Variants in ST8SIA1 observed in about 807,000 individuals in gnomAD.
The protein encoded by ST8SIA1 is ST8 alpha-N-acetyl-neuraminide alpha-2,8-sialyltransferase 1, also known as alpha-N-acetylneuraminide alpha-2,8-sialyltransferase.
ST8SIA1 carries 16 observed loss-of-function variants against 35.9 expected under a neutral mutation model. The ratio of observed to expected loss-of-function variants is 0.45; its 90% CI spans 0.30 to 0.68. The LOEUF (loss-of-function observed/expected upper bound fraction) is 0.68, where lower values mean the gene tolerates loss of function less well. Ranked by LOEUF, ST8SIA1 falls within the 30% of genes least tolerant of loss-of-function variation. The probability of loss-of-function intolerance (pLI) is 0.09; values close to 1 mark genes in which losing one functional copy is unlikely to be tolerated. For synonymous variants in ST8SIA1, 170 were observed against 169.6 expected (o/e 1.00, Z -0.02); for missense variants, 383 against 453.6 (o/e 0.84, Z 1.41).
rs143115893 is a variant in ST8SIA1, at chr12:22,223,600, A to G, written c.585-21562T>C. 26 of 1,120,434 alleles carry G rather than the reference A, an allele frequency of 2.3e-5. No homozygotes were observed. The African/African-American group carries it at 4.1e-4, about 18-fold the overall frequency. 69.4% of individuals were successfully genotyped at this position (1,120,434 alleles called of 1,614,324 possible). A position where few individuals can be genotyped will look rare whatever the true frequency, so the allele number is the denominator to read the frequency against. ...GCCAGATTCTGATTCAAGCAGCATG[A>G]GTCTGGAGTGAGCAGCTGAAGTTGT... On this transcript the variant is annotated intron_variant, in intron 4 of 4. Transcript: ENST00000396037.
At chr12:22,264,683 G>A (rs1052026852) in intron 2 of ST8SIA1, among the ~76,000 whole-genome samples, 1 of 151,778 alleles carries the variant, frequency 6.6e-6, no homozygotes, top group African/African-American at 2.4e-5. Context: ...TTTAAAAAAC[G>A]TTACACATAA....
At chr12:22,323,480 A>T (rs2541301) in intron 1 of ST8SIA1, among the ~76,000 whole-genome samples, 67,871 of 152,020 alleles carry the variant, frequency 0.45, 16,320 homozygotes, top group African/African-American at 0.61. Flanking sequence ...AGAAATACCA[A>T]TTGACCCAGT....
rs938616486 is a variant in ST8SIA1, at chr12:22,193,651, C to A, written c.*7901G>T. On this transcript the variant is annotated 3_prime_UTR_variant, in exon 5 of 5. Coordinates refer to ENST00000396037, the MANE Select transcript of ST8SIA1 (RefSeq NM_003034.4). ...CGTAGAAAGTACCAATTAAAGTTTT[C>A]TTTTTTACCTGCAACATTTTAGATG... 11 of 152,100 alleles carry A rather than the reference C, an allele frequency of 7.2e-5. No individual in the cohort carries two copies. Among genetic ancestry groups the A allele is most frequent in the African/African-American group, 2.4e-4 (10 of 41,434 alleles). 9.4% of individuals were successfully genotyped at this position (152,100 alleles called of 1,614,324 possible). A position where few individuals can be genotyped will look rare whatever the true frequency, so the allele number is the denominator to read the frequency against.
chr12:22,306,747 T>C (rs1350386240), intron 1 of ST8SIA1, among the ~76,000 whole-genome samples: 1 of 152,202 alleles, frequency 6.6e-6, no homozygotes, highest in Non-Finnish European at 1.5e-5. Context: ...AACAGGTCCT[T>C]CAGCTCTGGA....
chr12:22,294,769 T>C (rs1866222433), intron 1 of ST8SIA1, among the ~76,000 whole-genome samples: 1 of 152,230 alleles, frequency 6.6e-6, no homozygotes, highest in Non-Finnish European at 1.5e-5. Context: ...TTTTTTCTAA[T>C]ACATATTTGT....
chr12:22,230,031 G>A (rs972003794), intron 4 of ST8SIA1, among the ~76,000 whole-genome samples: 5 of 152,160 alleles, frequency 3.3e-5, no homozygotes, highest in South Asian at 4.1e-4. Context: ...TGTAAGTACC[G>A]GTAACCACTA....
intron 4 of ST8SIA1, among the ~76,000 whole-genome samples, chr12:22,217,724 TTCA>T (rs1006676784): frequency 6.6e-6 from 1 of 152,146 alleles, no homozygotes; most frequent in Non-Finnish European, 1.5e-5. Flanking sequence ...ACTACTAGCT[TTCA>T]TCATCATCAT....
At chr12:22,240,257 C>G (rs1432740002) in intron 4 of ST8SIA1, among the ~76,000 whole-genome samples, 1 of 152,080 alleles carries the variant, frequency 6.6e-6, no homozygotes, top group African/African-American at 2.4e-5. Context: ...TAGGCAGAAA[C>G]ACTTACTAGC....
intron 1 of ST8SIA1, among the ~76,000 whole-genome samples, chr12:22,300,679 T>C (rs992191791): frequency 9.9e-5 from 15 of 152,176 alleles, no homozygotes; most frequent in Non-Finnish European, 4.4e-5. Context: ...TTTTTGCCTT[T>C]TGTTGAAATC....
intron 1 of ST8SIA1, among the ~76,000 whole-genome samples, chr12:22,299,565 T>C (rs189530913): frequency 2.0e-5 from 3 of 152,126 alleles, no homozygotes; most frequent in African/African-American, 7.2e-5. Context: ...AGATGATTTA[T>C]TAAAAAAATT....
intron 2 of ST8SIA1, among the ~76,000 whole-genome samples, chr12:22,255,822 C>T (rs976268307): frequency 2.0e-5 from 3 of 152,178 alleles, no homozygotes; most frequent in African/African-American, 7.2e-5. Context: ...TGTTTCTGAA[C>T]ATTTCCTTTG....
At chr12:22,298,250 C>T (rs1309847770) in intron 1 of ST8SIA1, among the ~76,000 whole-genome samples, 2 of 152,164 alleles carry the variant, frequency 1.3e-5, no homozygotes, top group South Asian at 2.1e-4. Flanking sequence ...GCAAATTAAT[C>T]GAACCCAAGG....
chr12:22,305,274 T>C (rs1309476504), intron 1 of ST8SIA1, among the ~76,000 whole-genome samples: 2 of 152,276 alleles, frequency 1.3e-5, no homozygotes, highest in Admixed American at 6.5e-5. Context: ...ACTAGTCAAA[T>C]GCTTTTTCAA....
At chr12:22,220,213 G>A (rs749869905) in intron 4 of ST8SIA1, among the ~76,000 whole-genome samples, 6 of 152,282 alleles carry the variant, frequency 3.9e-5, no homozygotes, top group East Asian at 1.9e-4. Flanking sequence ...GATGAGACAC[G>A]AGCACTCAAA....
chr12:22,218,029 T>C (rs1181897170), intron 4 of ST8SIA1, among the ~76,000 whole-genome samples: 1 of 152,114 alleles, frequency 6.6e-6, no homozygotes, highest in African/African-American at 2.4e-5. Flanking sequence ...AGTGAACACT[T>C]AGAAATAACA....
intron 4 of ST8SIA1, among the ~76,000 whole-genome samples, chr12:22,248,663 T>A (rs984367857): frequency 6.6e-6 from 1 of 152,210 alleles, no homozygotes. Flanking sequence ...TTAATTCAGT[T>A]CACAGTTGCC....
At chr12:22,205,007 C>T (rs1472914874) in intron 4 of ST8SIA1, among the ~76,000 whole-genome samples, 1 of 152,146 alleles carries the variant, frequency 6.6e-6, no homozygotes, top group Non-Finnish European at 1.5e-5. Flanking sequence ...TGTGTGTGTA[C>T]CTGTCCACAA....
At chr12:22,259,590 C>T (rs565891730) in intron 2 of ST8SIA1, among the ~76,000 whole-genome samples, 2 of 152,092 alleles carry the variant, frequency 1.3e-5, no homozygotes, top group South Asian at 4.2e-4. Context: ...CTCGGCCTCC[C>T]GAGTAGCTGG....
intron 4 of ST8SIA1, among the ~76,000 whole-genome samples, chr12:22,231,696 C>T (rs1865423716): frequency 6.6e-6 from 1 of 152,004 alleles, no homozygotes; most frequent in Non-Finnish European, 1.5e-5. Context: ...GCCTCAGCCC[C>T]CCGAGTAGCT....
Sources: allele counts gnomAD v4.1 joint callset (sites outside exome capture counted in the v4.1 genomes callset), GRCh38; gene constraint gnomAD v4.1.1; transcripts MANE v1.5; gene names NCBI Gene and HGNC (gene_info 2026-07-23, HGNC 2026-07-21).